REM1: variants seen among roughly 807,000 people sequenced by gnomAD.
The protein encoded by REM1 is RRAD and GEM like GTPase 1.
Under a neutral mutation model 27.0 loss-of-function variants are expected in REM1, and 20 were observed. The ratio of observed to expected loss-of-function variants is 0.74; its 90% CI spans 0.52 to 1.08. The LOEUF (loss-of-function observed/expected upper bound fraction) is 1.08. Among genes scored for constraint, REM1 ranks in the 50% least tolerant of loss-of-function variants. REM1 has a pLI of 0.00. For synonymous variants in REM1, 159 were observed against 167.9 expected (o/e 0.95, Z 0.41); for missense variants, 405 against 407.0 (o/e 1.00, Z 0.04).
chr20:31,476,056 G>C (rs1372913827), intron 1 of REM1, among the ~76,000 whole-genome samples, 171 bp from the exon 2 acceptor site: 2 of 152,200 alleles, frequency 1.3e-5, no homozygotes, highest in African/African-American at 2.4e-5. Context: ...GGGCAGGTCC[G>C]TGTACACGGA....
intron 3 of REM1, among the ~76,000 whole-genome samples, chr20:31,478,547 T>G (rs73116281): frequency 0.07 from 10,626 of 152,252 alleles, 448 homozygotes; most frequent in Non-Finnish European, 0.092. Context: ...TATTATGATT[T>G]TATCTGGTTT....
Position 31,476,673 on chromosome 20 carries a change from C to T in REM1, c.228C>T (p.Ser76=). 1 of 1,614,140 alleles carries T rather than the reference C, an allele frequency of 6.2e-7. No individual in the cohort carries two copies. The highest frequency in any genetic ancestry group is 1.1e-5 in the South Asian group (1 of 91,080). Residue 76 remains serine, a synonymous_variant, in exon 2 of 5, where the codon TCC becomes TCT. Coordinates refer to ENST00000201979, the MANE Select transcript of REM1 (RefSeq NM_014012.6). ...WSSESSDSEG[S]WEALYRVVLL... is the part of the protein sequence containing the mutation. Reference sequence around the variant, plus strand: ...CTGAATCCAGCGACTCTGAAGGCTCCTGGGAGGCTCTCTACCGTGTGGTGC... The same window carrying T: ...CTGAATCCAGCGACTCTGAAGGCTCTTGGGAGGCTCTCTACCGTGTGGTGC...
In REM1 at chr20:31,476,775, A is replaced by T; in HGVS notation, c.330A>T (p.Glu110Asp). The change falls in exon 2 of 5, where the codon GAA (glutamate) becomes GAT (aspartate). Residue 110 changes from glutamate (E) to aspartate (D), a missense_variant. Glu to Asp is a conservative substitution (Grantham distance 45). Transcript: ENST00000201979. ...GGAAGCAAGAGAGGGACCTCCATGA[A>T]CAGCTGGGAGGTAGGGGCCATATGG... ...FAGKQERDLH[E>D]QLGEDVYERT... The T allele has an allele frequency of 6.2e-7, 1 of 1,608,636 alleles. No individual in the cohort carries two copies. The highest frequency in any genetic ancestry group is 8.5e-7 in the Non-Finnish European group (1 of 1,177,298).
rs527475924 is a variant in REM1 at position 31,475,461 on chromosome 20, G to A, written c.-220+95G>A. On this transcript the variant is annotated intron_variant, in intron 1 of 4. Transcript: ENST00000201979. The surrounding 1 kb of genome is among the most constrained non-coding windows in gnomAD (Gnocchi z 5.0). ...GATTCGGCAGCGTTGGCAGGAATAG[G>A]GGGGCTTCGAAACCGCGTCCCTAGG... 1.3e-5 allele frequency: 2 copies of A among 152,516 alleles called. No individual in the cohort carries two copies. Among genetic ancestry groups the A allele is most frequent in the Middle Eastern group, 3.4e-3 (1 of 296 alleles). 9.4% of individuals were successfully genotyped at this position (152,516 alleles called of 1,614,324 possible). A position where few individuals can be genotyped will look rare whatever the true frequency, so the allele number is the denominator to read the frequency against.
chr20:31,484,252 T>A lies in REM1; in HGVS notation c.719T>A (p.Val240Glu). The change falls in exon 5 of 5, where the codon GTG becomes GAG. Residue 240 changes from valine (V) to glutamate (E), a missense_variant. Transcript: ENST00000201979. ...HNVAELFEGV[V>E]RQLRLRRRDS... is the part of the protein sequence containing the mutation. The stretch of plus-strand genomic sequence containing the variant: ...GTGGCCGAGCTCTTCGAGGGCGTGG[T>A]GCGCCAACTGCGCTTGCGCCGCCGG... 6.2e-7 allele frequency: 1 copy of A among 1,602,576 alleles called. No individual in the cohort carries two copies. The highest frequency in any genetic ancestry group is 8.5e-7 in the Non-Finnish European group (1 of 1,175,820).
chr20:31,479,657 A>T (rs1348222915), intron 3 of REM1, among the ~76,000 whole-genome samples: 1 of 152,226 alleles, frequency 6.6e-6, no homozygotes, highest in African/African-American at 2.4e-5. Flanking sequence ...GCATCATTGA[A>T]AAAAGTATCC....
intron 4 of REM1, among the ~76,000 whole-genome samples, chr20:31,482,805 T>G (rs1207980509): frequency 2.6e-5 from 4 of 152,150 alleles, no homozygotes; most frequent in Admixed American, 2.6e-4. Flanking sequence ...GCCAGAATTT[T>G]CCAAGACCAG....
chr20:31,480,356 C>A (rs185134109), intron 3 of REM1, among the ~76,000 whole-genome samples: 1 of 152,118 alleles, frequency 6.6e-6, no homozygotes, highest in African/African-American at 2.4e-5. Flanking sequence ...TGGAGTCTCG[C>A]CCTGTCACCT....
In REM1 at chr20:31,484,393, C is replaced by G. The variant is rs777214094; in HGVS notation, c.860C>G (p.Ala287Gly). The change falls in exon 5 of 5, where the codon GCC becomes GGC. Residue 287 changes from alanine (A) to glycine (G), a missense_variant. Coordinates refer to ENST00000201979, the MANE Select transcript of REM1 (RefSeq NM_014012.6). ...ARSARRRALK[A>G]RSKSCHNLAV... ...AGCGCACGCCGCCGGGCACTCAAGG[C>G]CCGCTCCAAGTCCTGCCACAATCTG... 2.6e-6 allele frequency: 4 copies of G among 1,546,440 alleles called. No homozygotes were observed. The East Asian group carries it at 9.6e-5, about 37-fold the overall frequency.
chr20:31,476,260 G>T lies in REM1; in HGVS notation c.-186G>T. 1 of 573,594 alleles carries T rather than the reference G, an allele frequency of 1.7e-6. No individual in the cohort carries two copies. The allele number at this position is 573,594 out of a possible 1,614,324, so 35.5% of individuals were successfully genotyped here. A position where few individuals can be genotyped will look rare whatever the true frequency, so the allele number is the denominator to read the frequency against. ...AGAGCCTGAGGCCAGAAAACCTAGGGACTTTCTGCCCCAAGAAGCTGAGGC... is the reference window on the plus strand; with the variant it reads ...AGAGCCTGAGGCCAGAAAACCTAGGTACTTTCTGCCCCAAGAAGCTGAGGC... On this transcript the variant is annotated 5_prime_UTR_variant, in exon 2 of 5. Transcript: ENST00000201979.
At chr20:31,482,186 A>T (rs929592745) in intron 3 of REM1, 101 bp from the exon 4 acceptor site, 9 of 1,050,758 alleles carry the variant, frequency 8.6e-6, no homozygotes, top group Non-Finnish European at 1.3e-5. Flanking sequence ...CAAACTATAA[A>T]CCTCAAGCTG....
rs1293102025 is a variant in REM1, at chr20:31,475,836, C to T, written c.-219-391C>T. Among the ~76,000 whole-genome samples, 2 of 152,224 alleles carry T rather than the reference C, an allele frequency of 1.3e-5. No homozygotes were observed. Among genetic ancestry groups the T allele is most frequent in the Admixed American group, 6.5e-5 (1 of 15,284 alleles). ...TACAGTCGGGTTACCCCCATACCCC[C>T]CTCGCGCTTCTGGAGTGCCAACCCG... On this transcript the variant is annotated intron_variant, in intron 1 of 4. Coordinates refer to ENST00000201979, the MANE Select transcript of REM1 (RefSeq NM_014012.6). This position sits in a 1 kb window ranked among gnomAD's most constrained non-coding sequence, Gnocchi z 5.0.
chr20:31,477,910 G>C lies in REM1; in HGVS notation c.423G>C (p.Leu141=), dbSNP rs1206838954. 6.2e-7 allele frequency: 1 copy of C among 1,600,794 alleles called. No individual in the cohort carries two copies. The highest frequency in any genetic ancestry group is 1.3e-5 in the African/African-American group (1 of 74,742). Residue 141 remains leucine (L), a splice_region_variant and synonymous_variant, in exon 3 of 5, where the codon CTG becomes CTC. Transcript: ENST00000201979. The part of the protein sequence containing the change: ...VVVDTWEAEK[L]DKSWSQESCL... ...TGGACACCTGGGAGGCCGAGAAACT[G>C]GTATGGCACTGCAAGCAGAATTTGG...
chr20:31,479,643 A>G (rs144566022), intron 3 of REM1, among the ~76,000 whole-genome samples: 518 of 152,282 alleles, frequency 3.4e-3, no homozygotes, highest in Non-Finnish European at 5.9e-3. Context: ...TCCAAGCAAT[A>G]GCAGCATCAT....
At chr20:31,482,903 T>C (rs970545674) in intron 4 of REM1, among the ~76,000 whole-genome samples, 8 of 152,092 alleles carry the variant, frequency 5.3e-5, no homozygotes, top group African/African-American at 9.7e-5. Context: ...GAGGCCAAGG[T>C]GGGAGGACTT....
At position 31,476,739 on chromosome 20, in the gene REM1, C is replaced by G. The variant is rs763113478; in HGVS notation, c.294C>G (p.Ser98Arg). The G allele has an allele frequency of 6.2e-7, 1 of 1,613,762 alleles. No homozygotes were observed. The highest frequency in any genetic ancestry group is 1.7e-5 in the Admixed American group (1 of 59,974). The change falls in exon 2 of 5, where the codon AGC becomes AGG. Residue 98 changes from serine (S) to arginine (R), a missense_variant. Ser to Arg is a moderately radical substitution (Grantham distance 110, BLOSUM62 -1). Transcript: ENST00000201979. ...DPGVGKTSLA[S>R]LFAGKQERDL... ...GAGTGGGGAAGACCAGCTTGGCCAG[C>G]CTCTTTGCAGGGAAGCAAGAGAGGG...
intron 3 of REM1, among the ~76,000 whole-genome samples, chr20:31,479,994 C>T (rs956184988): frequency 5.9e-5 from 9 of 151,946 alleles, no homozygotes; most frequent in African/African-American, 1.9e-4. Context: ...GAGGCTAAGG[C>T]GGGAGAATCA....
rs767811187 is a variant in REM1, at chr20:31,476,532, G to A, written c.87G>A (p.Gln29=). Residue 29 remains glutamine, a synonymous_variant, in exon 2 of 5, where the codon CAG becomes CAA. Coordinates refer to ENST00000201979, the MANE Select transcript of REM1 (RefSeq NM_014012.6). ...TPLPLSPRGH[Q]PGRLSTVPST... ...TGCCCCTGTCCCCACGGGGCCACCA[G>A]CCTGGCCGCCTGAGCACAGTGCCTT... 2 of 1,614,112 alleles carry A rather than the reference G, an allele frequency of 1.2e-6. No homozygotes were observed. The highest frequency in any genetic ancestry group is 3.3e-5 in the Admixed American group (2 of 60,020).
At chr20:31,483,222 C>T (rs1980793929) in intron 4 of REM1, among the ~76,000 whole-genome samples, 1 of 152,180 alleles carries the variant, frequency 6.6e-6, no homozygotes, top group Non-Finnish European at 1.5e-5. Context: ...ATCACTTAAA[C>T]CCAGGAGGCA....
Sources: allele counts gnomAD v4.1 joint callset (sites outside exome capture counted in the v4.1 genomes callset), GRCh38; gene constraint gnomAD v4.1.1; non-coding constraint Gnocchi (gnomAD v3.1); transcripts MANE v1.5; gene names NCBI Gene and HGNC (gene_info 2026-07-23, HGNC 2026-07-21).